Variants in ELK1 observed in about 807,000 individuals in gnomAD.
The protein encoded by ELK1 is ETS transcription factor ELK1, also known as ETS domain-containing protein Elk-1.
For synonymous variants in ELK1, 163 were observed against 176.3 expected, an observed-to-expected ratio of 0.92 and a Z score of 0.60; for missense variants, 254 against 381.5, an observed-to-expected ratio of 0.67 and a Z score of 2.78.
intron 5 of ELK1, 80 bp downstream of exon 5, chrX:47,637,671 T>A: frequency 9.2e-7 from 1 of 1,081,229 alleles, no homozygotes; most frequent in Non-Finnish European, 1.2e-6. Flanking sequence ...CACCCTCCTC[T>A]GATTCCTGTC....
At chrX:47,640,372 G>A (rs184513707) in intron 3 of ELK1, among the ~76,000 whole-genome samples, 1 of 111,770 alleles carries the variant, frequency 8.9e-6, no homozygotes, top group Admixed American at 9.5e-5. Flanking sequence ...GGAAGTCTTA[G>A]TGCTGGTCAG....
chrX:47,645,841 A>G (rs762923678), intron 2 of ELK1, among the ~76,000 whole-genome samples: 2 of 111,883 alleles, frequency 1.8e-5, no homozygotes, highest in African/African-American at 6.5e-5. Flanking sequence ...GCGTGATCAA[A>G]GGTGCCAAAT....
intron 5 of ELK1, 101 bp from the exon 6 acceptor site, chrX:47,637,215 T>A (rs1170565318): frequency 2.4e-6 from 2 of 817,875 alleles, no homozygotes; most frequent in African/African-American, 4.1e-5. Flanking sequence ...CCACTCACAC[T>A]CCCAGGGTCA....
At chrX:47,638,329 A>G in intron 4 of ELK1, 147 bp from the exon 5 acceptor site, 3 of 748,453 alleles carry the variant, frequency 4.0e-6, no homozygotes, top group Non-Finnish European at 5.8e-6. Flanking sequence ...CCAACAGGAC[A>G]TAGGACTTCG....
In ELK1 at chrX:47,643,693, T is replaced by C. The variant is rs147471089; in HGVS notation, c.-34-2218A>G. On this transcript the variant is annotated intron_variant, in intron 2 of 6. Transcript: ENST00000376983. ...CCCAGGGGTTTTGGGTAAGGGCATG[T>C]ACACCTGTACTGTTATTTTTTTTTT... 4.0e-4 allele frequency among the ~76,000 whole-genome samples: 43 copies of C among 107,758 alleles called. No individual in the cohort carries two copies. In the East Asian group the frequency reaches 0.01, roughly 26 times the overall value. The allele number at this position is 107,758 out of a possible 115,157, so 93.6% of individuals were successfully genotyped here. A position where few individuals can be genotyped will look rare whatever the true frequency, so the allele number is the denominator to read the frequency against.
At chrX:47,640,154 T>C (rs1169029949) in intron 3 of ELK1, among the ~76,000 whole-genome samples, 1 of 111,591 alleles carries the variant, frequency 9.0e-6, no homozygotes, top group Non-Finnish European at 1.9e-5. Flanking sequence ...TCACAGAGCA[T>C]GTTTGGGGTT....
intron 2 of ELK1, among the ~76,000 whole-genome samples, chrX:47,646,214 A>T (rs1458483215): frequency 8.9e-6 from 1 of 111,955 alleles, no homozygotes; most frequent in Non-Finnish European, 1.9e-5. Context: ...AACAATGAAT[A>T]TTTACTGAAA....
intron 3 of ELK1, among the ~76,000 whole-genome samples, chrX:47,639,959 C>T (rs756804259): frequency 1.2e-3 from 138 of 112,863 alleles, no homozygotes; most frequent in African/African-American, 4.3e-3. Flanking sequence ...GCTAATGATA[C>T]AGAAGTGGAA....
rs754832524 is a variant in ELK1, at chrX:47,650,530, A to AGGTGGTGGTGGCGGTGGC, written c.-266_-249dup. ...GGCCTGGGTTCCGAGGCGGCGGTGG[A>AGGTGGTGGTGGCGGTGGC]GGTGGTGGTGGCGGTGGCGGCGGCA... On this transcript the variant is annotated 5_prime_UTR_variant, in exon 1 of 7. Coordinates refer to ENST00000376983, the MANE Select transcript of ELK1 (RefSeq NM_001114123.3). 0.01 allele frequency: 3,279 copies of AGGTGGTGGTGGCGGTGGC among 320,108 alleles called. 204 individuals are homozygous for AGGTGGTGGTGGCGGTGGC. The Admixed American group carries it at 0.11, about 11-fold the overall frequency. 26.4% of individuals were successfully genotyped at this position (320,108 alleles called of 1,213,427 possible). A position where few individuals can be genotyped will look rare whatever the true frequency, so the allele number is the denominator to read the frequency against.
chrX:47,642,700 G>A (rs1002606552), intron 2 of ELK1, among the ~76,000 whole-genome samples: 3 of 108,927 alleles, frequency 2.8e-5, no homozygotes, highest in Non-Finnish European at 5.7e-5. Flanking sequence ...CCAGGTTCAA[G>A]CGATTCTCAT....
At chrX:47,638,325 G>C (rs994111784) in intron 4 of ELK1, 143 bp from the exon 5 acceptor site, 44 of 748,197 alleles carry the variant, frequency 5.9e-5, no homozygotes, top group Non-Finnish European at 8.1e-5. Context: ...TCCTCCAACA[G>C]GACATAGGAC....
Position 47,639,156 on chromosome X carries a change from T to C in ELK1, c.393A>G (p.Pro131=). Residue 131 remains proline, a synonymous_variant, in exon 4 of 7, where the codon CCA becomes CCG. Coordinates refer to ENST00000376983, the MANE Select transcript of ELK1 (RefSeq NM_001114123.3). ...CCATTCCTGCACCCTTGGGTGTGCC[T>C]GGCTTTCCAGAGACAGTGTCCCCTG... is the stretch of plus-strand genomic sequence containing the variant. ...AAPGDTVSGK[P]GTPKGAGMAG... The C allele has an allele frequency of 1.7e-6, 2 of 1,208,529 alleles. No individual in the cohort carries two copies. The highest frequency in any genetic ancestry group is 1.1e-6 in the Non-Finnish European group (1 of 893,718).
At chrX:47,641,126 A>G in intron 3 of ELK1, 106 bp downstream of exon 3, 1 of 978,798 alleles carries the variant, frequency 1.0e-6, no homozygotes, top group Non-Finnish European at 1.4e-6. Flanking sequence ...AAAACTGATA[A>G]ATTTTAACAT....
rs773489927 is a variant in ELK1 at position 47,637,990 on chromosome X, G to A, written c.847C>T (p.Pro283Ser). 1 of 1,209,000 alleles carries A rather than the reference G, an allele frequency of 8.3e-7. No individual in the cohort carries two copies. Among genetic ancestry groups the A allele is most frequent in the Non-Finnish European group, 1.1e-6 (1 of 894,768 alleles). Residue 283 changes from proline to serine, a missense_variant, in exon 5 of 7, where the codon CCA becomes TCA. By Grantham distance (74) the Pro-to-Ser change is moderately conservative. Transcript: ENST00000376983. The stretch of plus-strand genomic sequence containing the variant: ...ATAACAACCGCGGGCAGCCGGGCTG[G>A]CACGCCCTCCTGTGGAGGGACTTCT... ...EPEVPPQEGV[P>S]ARLPAVVMDT...
At chrX:47,644,393 C>T (rs1001709293) in intron 2 of ELK1, among the ~76,000 whole-genome samples, 3 of 111,387 alleles carry the variant, frequency 2.7e-5, no homozygotes, top group Non-Finnish European at 5.6e-5. Context: ...CCAGGTGCTG[C>T]GGATACAGTC....
chrX:47,639,882 G>A (rs2058022927), intron 3 of ELK1, among the ~76,000 whole-genome samples: 1 of 112,793 alleles, frequency 8.9e-6, no homozygotes, highest in Non-Finnish European at 1.9e-5. Flanking sequence ...TGATATAAAT[G>A]TTGGAAGAAA....
intron 2 of ELK1, among the ~76,000 whole-genome samples, chrX:47,646,839 C>CA (rs2058044972): frequency 8.9e-6 from 1 of 112,002 alleles, no homozygotes; most frequent in Non-Finnish European, 1.9e-5. Context: ...TGTGTGACCT[C>CA]ACCTTCTACC....
Position 47,639,151 on chromosome X carries a change from G to A in ELK1, c.398C>T (p.Thr133Ile), listed in dbSNP as rs372037647. Residue 133 changes from threonine to isoleucine, a missense_variant, in exon 4 of 7, where the codon ACA (threonine) becomes ATA (isoleucine). Physicochemically the swap from Thr to Ile is moderately conservative, Grantham distance 89. Coordinates refer to ENST00000376983, the MANE Select transcript of ELK1 (RefSeq NM_001114123.3). ...PGDTVSGKPG[T>I]PKGAGMAGPG... The stretch of plus-strand genomic sequence containing the variant: ...GCCTGCCATTCCTGCACCCTTGGGT[G>A]TGCCTGGCTTTCCAGAGACAGTGTC... 10 of 1,206,916 alleles carry A rather than the reference G, an allele frequency of 8.3e-6. No homozygotes were observed. In the African/African-American group the frequency reaches 1.0e-4, roughly 13 times the overall value.
Position 47,638,010 on chromosome X carries a change from A to T in ELK1, c.827T>A (p.Val276Asp). 8.3e-7 allele frequency: 1 copy of T among 1,209,000 alleles called. No homozygotes were observed. Among genetic ancestry groups the T allele is most frequent in the Admixed American group, 2.2e-5 (1 of 45,979 alleles). The change falls in exon 5 of 7, where the codon GTC becomes GAC. Residue 276 changes from valine to aspartate, a missense_variant. Coordinates refer to ENST00000376983, the MANE Select transcript of ELK1 (RefSeq NM_001114123.3). ...VPETTKAEPE[V>D]PPQEGVPARL... ...GGCTGGCACGCCCTCCTGTGGAGGG[A>T]CTTCTGGCTCGGCCTTGGTGGTTTC...
Sources: gnomAD v4.1 joint callset for allele counts (sites outside exome capture counted in the v4.1 genomes callset) on GRCh38, gnomAD v4.1.1 for gene constraint, MANE v1.5 for transcripts, NCBI Gene and HGNC (gene_info 2026-07-23, HGNC 2026-07-21) for gene names.